The following ZNF676 variants were observed in gnomAD, a reference collection of about 807,000 sequenced individuals.
ZNF676 encodes the protein zinc finger protein 676.
A neutral mutation model predicts 6.0 loss-of-function variants in ZNF676; 4 were observed. That is an observed-to-expected ratio of 0.67 (90% CI 0.33 to 1.53). ZNF676 has a LOEUF of 1.53. ZNF676 is among the 40% of genes most tolerant of loss of function. The pLI is 0.06. For synonymous variants in ZNF676, 198 were observed against 223.1 expected, an observed-to-expected ratio of 0.89 and a Z score of 1.00; for missense variants, 644 against 679.7, an observed-to-expected ratio of 0.95 and a Z score of 0.58.
intron 1 of ZNF676, among the ~76,000 whole-genome samples, chr19:22,202,869 G>A (rs1362780054): frequency 2.0e-5 from 3 of 152,212 alleles, no homozygotes; most frequent in Non-Finnish European, 2.9e-5. Context: ...CCCAGGGCCT[G>A]CTGAAGGTAG....
Position 22,181,485 on chromosome 19 carries a change from T to C in ZNF676, c.232A>G (p.Asn78Asp), listed in dbSNP as rs1324412381. ...LRRYDKCGHENLHLKISCTNV... is the reference protein window; with the variant it reads ...LRRYDKCGHEDLHLKISCTNV... ...GTACAACTAATTTTTAAGTGTAAAT[T>C]CTCATGTCCACATTTGTCATATCTT... Residue 78 changes from asparagine (N) to aspartate (D), a missense_variant, in exon 3 of 3, where the codon AAT (asparagine) becomes GAT (aspartate). Coordinates refer to ENST00000397121, the MANE Select transcript of ZNF676 (RefSeq NM_001001411.3). The C allele has an allele frequency of 1.2e-6, 2 of 1,613,586 alleles. No individual in the cohort carries two copies. Among genetic ancestry groups the C allele is most frequent in the African/African-American group, 2.7e-5 (2 of 75,030 alleles).
At chr19:22,218,415 C>T (rs547166307), upstream of ZNF676, among the ~76,000 whole-genome samples, 1 of 152,142 alleles carries the variant, frequency 6.6e-6, no homozygotes, top group Admixed American at 6.5e-5. Context: ...CTCACTACAA[C>T]CTCTGCCTCC....
chr19:22,235,661 A>G, the ZNF676 span, among the ~76,000 whole-genome samples: 1 of 152,276 alleles, frequency 6.6e-6, no homozygotes, highest in East Asian at 1.9e-4. Context: ...TTTCTTGCTC[A>G]CTGGATTCGA....
chr19:22,195,853 C>T (rs1286063296), intron 1 of ZNF676, among the ~76,000 whole-genome samples: 1 of 152,116 alleles, frequency 6.6e-6, no homozygotes, highest in Admixed American at 6.5e-5. Context: ...AATTACAAAA[C>T]AAAATTCTTG....
At chr19:22,185,529 C>T (rs533903840) in intron 2 of ZNF676, among the ~76,000 whole-genome samples, 18 of 150,012 alleles carry the variant, frequency 1.2e-4, no homozygotes, top group East Asian at 5.9e-4. Context: ...ATGAGTTTGA[C>T]GAATTGACAA....
At chr19:22,238,124 T>G in the ZNF676 span, among the ~76,000 whole-genome samples, 1 of 152,282 alleles carries the variant, frequency 6.6e-6, no homozygotes, top group South Asian at 2.1e-4. Flanking sequence ...GTTCTCCACA[T>G]ATGGTCAAAC....
chr19:22,186,796 A>G (rs2023845908), intron 2 of ZNF676, among the ~76,000 whole-genome samples: 1 of 152,256 alleles, frequency 6.6e-6, no homozygotes, highest in African/African-American at 2.4e-5. Context: ...TGGGCATTAC[A>G]TAATGGTAAA....
intron 1 of ZNF676, among the ~76,000 whole-genome samples, chr19:22,195,523 C>G (rs1448902014): frequency 1.3e-5 from 2 of 152,156 alleles, no homozygotes; most frequent in Non-Finnish European, 2.9e-5. Flanking sequence ...TTGTGATGTC[C>G]TCTGTAGCTT....
chr19:22,185,032 C>G (rs2023816291), intron 2 of ZNF676, among the ~76,000 whole-genome samples: 1 of 152,056 alleles, frequency 6.6e-6, no homozygotes, highest in South Asian at 2.1e-4. Context: ...GGTCATACTG[C>G]CACCTCAAGT....
chr19:22,221,094 A>ATTT, the ZNF676 span, among the ~76,000 whole-genome samples: 1 of 149,424 alleles, frequency 6.7e-6, no homozygotes, highest in African/African-American at 2.5e-5. Flanking sequence ...CTTTGTTATT[A>ATTT]TTTTTTTTTC....
At chr19:22,239,685 T>C in the ZNF676 span, among the ~76,000 whole-genome samples, 7,711 of 152,212 alleles carry the variant, frequency 0.051, 656 homozygotes, top group African/African-American at 0.18. Flanking sequence ...GTGACTCTCA[T>C]AGGTAGGAGC....
At chr19:22,255,044 T>C in the ZNF676 span, among the ~76,000 whole-genome samples, 1 of 152,218 alleles carries the variant, frequency 6.6e-6, no homozygotes, top group Non-Finnish European at 1.5e-5. Context: ...ACCTACTGTA[T>C]GTTGTGTCTA....
upstream of ZNF676, among the ~76,000 whole-genome samples, chr19:22,219,399 C>G (rs1054514628): frequency 1.2e-4 from 18 of 151,882 alleles, no homozygotes; most frequent in Non-Finnish European, 1.8e-4. Context: ...GCATCCAGCC[C>G]TAAAAGCTTT....
rs1411137240 is a variant in ZNF676 at position 22,180,817 on chromosome 19, C to G, written c.900G>C (p.Lys300Asn). The G allele has an allele frequency of 6.3e-7, 1 of 1,594,438 alleles. No homozygotes were observed. The highest frequency in any genetic ancestry group is 1.3e-5 in the African/African-American group (1 of 74,292). ...AGGGTTTCTCTCCAGTATGAATTCT[C>G]TTATGTTCCATGAGCTTTGAGGACG... is the stretch of plus-strand genomic sequence containing the variant. Reference protein sequence around the residue: ...SNSSSKLMEHKRIHTGEKPYK... With the variant: ...SNSSSKLMEHNRIHTGEKPYK... The change falls in exon 3 of 3, where the codon AAG (lysine) becomes AAC (asparagine). Residue 300 changes from lysine (K) to asparagine (N), a missense_variant. Physicochemically the swap from Lys to Asn is moderately conservative, Grantham distance 94 (BLOSUM62 0). Transcript: ENST00000397121.
the ZNF676 span, chr19:22,243,360 G>A: frequency 6.6e-6 from 1 of 151,990 alleles, no homozygotes; most frequent in African/African-American, 2.4e-5. Context: ...AACCTTGAAA[G>A]AAAAGTAGAA....
At chr19:22,187,202 C>T (rs901726975) in intron 2 of ZNF676, among the ~76,000 whole-genome samples, 9 of 152,138 alleles carry the variant, frequency 5.9e-5, no homozygotes, top group African/African-American at 2.2e-4. Context: ...AATTAGAACT[C>T]AGGATTGAGA....
chr19:22,196,834 AT>A lies in ZNF676; in HGVS notation c.-202del. The stretch of plus-strand genomic sequence containing the variant: ...GTAGAGAGAGCTGGTTCTGACTTAT[AT>A]GAATGACTGAAATTATTCAATAAAA... On this transcript the variant is annotated 5_prime_UTR_variant, in exon 1 of 3. It removes the in-frame stop codon of an upstream open reading frame in the 5' UTR. Coordinates refer to ENST00000397121, the MANE Select transcript of ZNF676 (RefSeq NM_001001411.3). 11 of 1,000,876 alleles carry A rather than the reference AT, an allele frequency of 1.1e-5. No homozygotes were observed. Among genetic ancestry groups the A allele is most frequent in the Non-Finnish European group, 1.7e-5 (11 of 663,204 alleles). The allele number at this position is 1,000,876 out of a possible 1,614,324, so 62.0% of individuals were successfully genotyped here.
At chr19:22,255,377 A>G in the ZNF676 span, among the ~76,000 whole-genome samples, 1 of 152,112 alleles carries the variant, frequency 6.6e-6, no homozygotes, top group South Asian at 2.1e-4. Flanking sequence ...TCTCTGTACT[A>G]CCCTAGGGCT....
chr19:22,249,762 G>GT, the ZNF676 span, among the ~76,000 whole-genome samples: 67 of 148,860 alleles, frequency 4.5e-4, no homozygotes, highest in African/African-American at 1.6e-3. Context: ...AGTACAACGG[G>GT]TTTTTTTTTT....
Sources: allele counts gnomAD v4.1 joint callset (sites outside exome capture counted in the v4.1 genomes callset), GRCh38; gene constraint gnomAD v4.1.1; transcripts MANE v1.5; gene names NCBI Gene and HGNC (gene_info 2026-07-23, HGNC 2026-07-21).